The following ARMH3 variants were observed in gnomAD, a reference collection of about 807,000 sequenced individuals.
ARMH3 encodes armadillo like helical domain containing 3, also known as armadillo-like helical domain-containing protein 3.
Under a neutral mutation model 99.1 loss-of-function variants are expected in ARMH3, and 60 were observed. That is an observed-to-expected ratio of 0.61 (90% CI 0.49 to 0.75). The LOEUF is 0.75. Ranked by LOEUF, ARMH3 falls within the 30% of genes least tolerant of loss-of-function variation. ARMH3 has a pLI of 0.00. For missense variants in ARMH3, 679 were observed against 843.1 expected (o/e 0.81, Z 2.41); for synonymous variants, 285 against 292.8 (o/e 0.97, Z 0.27).
At chr10:101,992,172 G>A (rs1846828625) in intron 17 of ARMH3, 134 bp from the exon 18 acceptor site, 3 of 777,332 alleles carry the variant, frequency 3.9e-6, no homozygotes, top group Admixed American at 2.1e-5. Context: ...TTTTCACATG[G>A]TGGGAGAGGA....
intron 2 of ARMH3, among the ~76,000 whole-genome samples, chr10:102,036,585 T>G (rs1297425628): frequency 6.6e-6 from 1 of 152,162 alleles, no homozygotes; most frequent in African/African-American, 2.4e-5. Flanking sequence ...CCCAGCCCTG[T>G]GCTCTCTGGG....
intron 23 of ARMH3, among the ~76,000 whole-genome samples, chr10:101,906,205 G>C (rs1044589134): frequency 6.6e-5 from 10 of 152,016 alleles, no homozygotes; most frequent in African/African-American, 2.4e-4. Flanking sequence ...ATTTATTTTG[G>C]ATTAATACTG....
intron 20 of ARMH3, among the ~76,000 whole-genome samples, chr10:101,971,095 CAAAAAAAAAA>C (rs71472590): frequency 3.0e-5 from 1 of 33,284 alleles, no homozygotes; most frequent in South Asian, 9.9e-4. Flanking sequence ...AGACCGTCTC[CAAAAAAAAAA>C]AAAAAAAAAA....
chr10:101,897,764 A>T (rs967349242), intron 23 of ARMH3, among the ~76,000 whole-genome samples: 14 of 152,242 alleles, frequency 9.2e-5, no homozygotes, highest in African/African-American at 2.9e-4. Context: ...GAGGGATGGC[A>T]CTGTGCCCAA....
chr10:101,953,463 G>T (rs1331699998), intron 22 of ARMH3, among the ~76,000 whole-genome samples: 1 of 150,534 alleles, frequency 6.6e-6, no homozygotes, highest in Non-Finnish European at 1.5e-5. Flanking sequence ...GTTTCACCAT[G>T]TTAGCCAAGC....
chr10:101,885,984 G>A (rs2067530896), intron 24 of ARMH3, among the ~76,000 whole-genome samples: 1 of 151,856 alleles, frequency 6.6e-6, no homozygotes, highest in East Asian at 1.9e-4. Flanking sequence ...TTGAACCCGA[G>A]AAGCAGAGGT....
intron 24 of ARMH3, among the ~76,000 whole-genome samples, chr10:101,854,498 T>C (rs1343648350): frequency 6.6e-6 from 1 of 151,980 alleles, no homozygotes; most frequent in Non-Finnish European, 1.5e-5. Flanking sequence ...AACTTCTGGG[T>C]TCAAGTGGAA....
intron 4 of ARMH3, 194 bp downstream of exon 4, chr10:102,032,832 C>T (rs1410829428): frequency 5.0e-5 from 28 of 557,576 alleles, no homozygotes; most frequent in Non-Finnish European, 8.2e-5. Flanking sequence ...CAAATGGATA[C>T]GATTACTCCT....
intron 20 of ARMH3, among the ~76,000 whole-genome samples, chr10:101,959,359 C>G (rs1373173224): frequency 6.6e-6 from 1 of 152,204 alleles, no homozygotes; most frequent in Non-Finnish European, 1.5e-5. Flanking sequence ...TTTAGACAAG[C>G]CCTGTTAATG....
intron 8 of ARMH3, among the ~76,000 whole-genome samples, 168 bp downstream of exon 8, chr10:102,023,309 C>A (rs1299100412): frequency 6.6e-6 from 1 of 152,128 alleles, no homozygotes; most frequent in Non-Finnish European, 1.5e-5. Flanking sequence ...ACAACTAGAT[C>A]CTCTGCCCCA....
chr10:101,902,951 G>A (rs1009912344), intron 23 of ARMH3, among the ~76,000 whole-genome samples: 10 of 152,094 alleles, frequency 6.6e-5, no homozygotes, highest in Non-Finnish European at 1.0e-4. Context: ...AGGGTGAGGC[G>A]GTTGGCTCTG....
chr10:102,046,294 A>G (rs2067548167), intron 1 of ARMH3, among the ~76,000 whole-genome samples: 2 of 151,658 alleles, frequency 1.3e-5, no homozygotes, highest in Admixed American at 6.6e-5. Flanking sequence ...GAGAGAGAGA[A>G]AGAAAGAGAG....
chr10:102,022,454 T>G (rs2066906889), intron 8 of ARMH3, among the ~76,000 whole-genome samples: 1 of 125,528 alleles, frequency 8.0e-6, no homozygotes, highest in South Asian at 2.7e-4. Flanking sequence ...ATCGCACCAC[T>G]GCACTCCAGC....
chr10:102,015,915 C>T (rs1209287234), intron 8 of ARMH3, among the ~76,000 whole-genome samples: 1 of 152,198 alleles, frequency 6.6e-6, no homozygotes, highest in African/African-American at 2.4e-5. Flanking sequence ...GGGAGGATCA[C>T]TTGAGCCCAG....
intron 23 of ARMH3, among the ~76,000 whole-genome samples, chr10:101,904,153 A>T (rs749652691): frequency 6.6e-6 from 1 of 152,252 alleles, no homozygotes; most frequent in Non-Finnish European, 1.5e-5. Flanking sequence ...GCTGCCTGTT[A>T]TAAGAGTGTC....
At chr10:101,866,782 G>A (rs1242757069) in intron 24 of ARMH3, among the ~76,000 whole-genome samples, 1 of 152,138 alleles carries the variant, frequency 6.6e-6, no homozygotes, top group Non-Finnish European at 1.5e-5. Context: ...AAACAAATTT[G>A]GCTTTAAAAA....
chr10:101,906,502 G>A (rs1421902871), intron 23 of ARMH3, among the ~76,000 whole-genome samples: 1 of 152,224 alleles, frequency 6.6e-6, no homozygotes, highest in African/African-American at 2.4e-5. Flanking sequence ...GAGATTATGA[G>A]ACCTTGAAAT....
intron 23 of ARMH3, among the ~76,000 whole-genome samples, chr10:101,890,825 C>A (rs572603277): frequency 1.3e-5 from 2 of 150,608 alleles, no homozygotes; most frequent in Non-Finnish European, 2.9e-5. Flanking sequence ...AATCTAATCA[C>A]AAGAAAAATA....
intron 23 of ARMH3, among the ~76,000 whole-genome samples, chr10:101,893,887 C>A (rs777823461): frequency 5.3e-5 from 8 of 152,134 alleles, no homozygotes; most frequent in African/African-American, 1.9e-4. Context: ...TACTGCAGGA[C>A]ATACATGCTG....
Sources: gnomAD v4.1 joint callset for allele counts (sites outside exome capture counted in the v4.1 genomes callset) on GRCh38, gnomAD v4.1.1 for gene constraint, MANE v1.5 for transcripts, NCBI Gene and HGNC (gene_info 2026-07-23, HGNC 2026-07-21) for gene names.